HPCAL4: variants seen among roughly 807,000 people sequenced by gnomAD.
HPCAL4 encodes the protein hippocalcin-like protein 4.
In HPCAL4, 16 loss-of-function variants were observed where a neutral mutation model predicts 18.2. The observed-to-expected ratio is 0.88, with a 90% CI of 0.59 to 1.33. The LOEUF (loss-of-function observed/expected upper bound fraction) is 1.33, where lower values mean the gene tolerates loss of function less well. Among genes scored for constraint, HPCAL4 ranks in the 40% most tolerant of loss-of-function variants. HPCAL4 has a pLI of 0.00. For synonymous variants in HPCAL4, 80 were observed against 97.5 expected (o/e 0.82, Z 1.06); for missense variants, 214 against 256.6 (o/e 0.83, Z 1.14).
chr1:39,683,566 CATTT>C (rs1257787067), intron 3 of HPCAL4, among the ~76,000 whole-genome samples: 4 of 152,220 alleles, frequency 2.6e-5, no homozygotes, highest in Admixed American at 1.3e-4. Flanking sequence ...TGTCTTCATT[CATTT>C]ATTTTTTAAA....
intron 3 of HPCAL4, among the ~76,000 whole-genome samples, chr1:39,683,288 T>A (rs964374614): frequency 6.6e-6 from 1 of 152,230 alleles, no homozygotes; most frequent in African/African-American, 2.4e-5. Context: ...GCTCCCCGTA[T>A]GACCACCTTC....
At position 39,679,921 on chromosome 1, in the gene HPCAL4, G is replaced by GCT. The variant is rs1185037142; in HGVS notation, c.*2614_*2615insAG. The GCT allele has an allele frequency of 1.3e-5, 2 of 152,568 alleles. No individual in the cohort carries two copies. Among genetic ancestry groups the GCT allele is most frequent in the Admixed American group, 1.3e-4 (2 of 15,278 alleles). The allele number at this position is 152,568 out of a possible 1,614,324, so 9.5% of individuals were successfully genotyped here. ...TGGAGTAATCAAACACGCCTTCATGGGTAGGCATGTTTCTCTTAGTGAAGA... is the reference window on the plus strand; with the variant it reads ...TGGAGTAATCAAACACGCCTTCATGGCTGTAGGCATGTTTCTCTTAGTGAAGA... On this transcript the variant is annotated 3_prime_UTR_variant, in exon 4 of 4. Transcript: ENST00000372844.
intron 2 of HPCAL4, 35 bp from the exon 3 acceptor site, chr1:39,684,187 A>C (rs766157257): frequency 6.9e-7 from 1 of 1,453,016 alleles, no homozygotes; most frequent in Non-Finnish European, 9.3e-7. Context: ...GCGCAGCGAC[A>C]GCCCCGCCCA....
In HPCAL4 at chr1:39,682,273, C is replaced by G; in HGVS notation, c.*263G>C. 1 of 473,198 alleles carries G rather than the reference C, an allele frequency of 2.1e-6. No individual in the cohort carries two copies. Among genetic ancestry groups the G allele is most frequent in the South Asian group, 2.6e-5 (1 of 39,032 alleles). The allele number at this position is 473,198 out of a possible 1,614,324, so 29.3% of individuals were successfully genotyped here. A position where few individuals can be genotyped will look rare whatever the true frequency, so the allele number is the denominator to read the frequency against. ...CCTCACCTCCTGGGGCAAAAGCCAA[C>G]TCCCCTATGCCCAATGGACATTGGT... On this transcript the variant is annotated 3_prime_UTR_variant, in exon 4 of 4. Coordinates refer to ENST00000372844, the MANE Select transcript of HPCAL4 (RefSeq NM_016257.4).
At chr1:39,682,983 A>C (rs1646640082) in intron 3 of HPCAL4, among the ~76,000 whole-genome samples, 1 of 152,092 alleles carries the variant, frequency 6.6e-6, no homozygotes, top group South Asian at 2.1e-4. Context: ...TCCTGGGTTC[A>C]AGTGATTTTC....
At chr1:39,685,879 CAAAA>C (rs34605605) in intron 1 of HPCAL4, among the ~76,000 whole-genome samples, 9 of 136,720 alleles carry the variant, frequency 6.6e-5, no homozygotes, top group Admixed American at 7.2e-5. Flanking sequence ...GACTCCACCT[CAAAA>C]AAAAAAAAAA....
chr1:39,689,732 G>A (rs771261329), intron 1 of HPCAL4, among the ~76,000 whole-genome samples: 1 of 152,214 alleles, frequency 6.6e-6, no homozygotes, highest in Non-Finnish European at 1.5e-5. Context: ...GGCTTTGAAT[G>A]GAGAGGTGGC....
At chr1:39,684,376 C>G (rs565632511) in intron 2 of HPCAL4, 66 bp downstream of exon 2, 1 of 1,505,664 alleles carries the variant, frequency 6.6e-7, no homozygotes, top group South Asian at 1.3e-5. Context: ...GCCTCCCTCA[C>G]CCCCGGTTCC....
chr1:39,690,875 G>T (rs932665126), intron 1 of HPCAL4, among the ~76,000 whole-genome samples: 2 of 151,906 alleles, frequency 1.3e-5, no homozygotes, highest in African/African-American at 4.8e-5. Flanking sequence ...AGTGGCTAGG[G>T]GCTATCCGTG....
chr1:39,683,903 C>T (rs762478479), intron 3 of HPCAL4, 34 bp downstream of exon 3: 11 of 1,585,532 alleles, frequency 6.9e-6, no homozygotes, highest in African/African-American at 1.3e-5. Context: ...GAAGCGCTGG[C>T]CTCGGGAACA....
intron 1 of HPCAL4, among the ~76,000 whole-genome samples, chr1:39,685,892 AAT>A (rs1646670361): frequency 9.1e-6 from 1 of 109,590 alleles, no homozygotes; most frequent in Non-Finnish European, 2.0e-5. Flanking sequence ...AAAAAAAAAA[AAT>A]ATATTGGCCG....
intron 1 of HPCAL4, among the ~76,000 whole-genome samples, chr1:39,686,273 C>T (rs1557754982): frequency 6.6e-6 from 1 of 151,940 alleles, no homozygotes; most frequent in Non-Finnish European, 1.5e-5. Flanking sequence ...ATCACTTGAG[C>T]CTGGGAGGCA....
chr1:39,687,204 A>T (rs1346231018), intron 1 of HPCAL4, among the ~76,000 whole-genome samples: 1 of 152,222 alleles, frequency 6.6e-6, no homozygotes, highest in Non-Finnish European at 1.5e-5. Context: ...GAGGGGGAGC[A>T]TGCCATCTTC....
chr1:39,682,947 G>A (rs923316079), intron 3 of HPCAL4, among the ~76,000 whole-genome samples: 6 of 152,012 alleles, frequency 3.9e-5, no homozygotes, highest in Admixed American at 2.6e-4. Flanking sequence ...GCAATGGCGC[G>A]ATCTCGGCTT....
intron 1 of HPCAL4, among the ~76,000 whole-genome samples, chr1:39,685,995 C>T (rs931266402): frequency 1.9e-4 from 29 of 151,522 alleles, no homozygotes; most frequent in African/African-American, 5.6e-4. Context: ...TCCTGGCTAA[C>T]ACAGTGAAAC....
At chr1:39,690,423 G>A (rs1224170445) in intron 1 of HPCAL4, among the ~76,000 whole-genome samples, 2 of 152,198 alleles carry the variant, frequency 1.3e-5, no homozygotes, top group Non-Finnish European at 2.9e-5. Context: ...ATGGCACCTT[G>A]GCAAGGTCCC....
chr1:39,682,377 A>G lies in HPCAL4; in HGVS notation c.*159T>C, dbSNP rs1646633698. The G allele has an allele frequency of 3.1e-6, 2 of 641,432 alleles. No individual in the cohort carries two copies. The highest frequency in any genetic ancestry group is 5.4e-6 in the Non-Finnish European group (2 of 368,044). The allele number at this position is 641,432 out of a possible 1,614,324, so 39.7% of individuals were successfully genotyped here. A position where few individuals can be genotyped will look rare whatever the true frequency, so the allele number is the denominator to read the frequency against. On this transcript the variant is annotated 3_prime_UTR_variant, in exon 4 of 4. Transcript: ENST00000372844. ...TTTTGCAGGGTGAGGTGGTCCCTCA[A>G]AGATCTTGATGGAGGGGAGGAAGGG...
chr1:39,684,540 A>G lies in HPCAL4; in HGVS notation c.64T>C (p.Phe22Leu), dbSNP rs145712921. The G allele has an allele frequency of 2.1e-4, 334 of 1,613,156 alleles. 1 individual carries two copies. The highest frequency in any genetic ancestry group is 1.9e-4 in the Non-Finnish European group (222 of 1,179,618). Reference sequence around the variant, plus strand: ...CACTGCTTCAGCTCCTGCTCGCTGAACTCAGTGTTCTGAACAAGGTCCTCC... The same window carrying G: ...CACTGCTTCAGCTCCTGCTCGCTGAGCTCAGTGTTCTGAACAAGGTCCTCC... ...VLEDLVQNTE[F>L]SEQELKQWYK... Residue 22 changes from phenylalanine (F) to leucine (L), a missense_variant, in exon 2 of 4, where the codon TTC becomes CTC. By Grantham distance (22) the Phe-to-Leu change is conservative. Transcript: ENST00000372844.
Position 39,680,500 on chromosome 1 carries a change from T to C in HPCAL4, c.*2036A>G, listed in dbSNP as rs1413709678. 2 of 152,158 alleles carry C rather than the reference T, an allele frequency of 1.3e-5. No homozygotes were observed. Among genetic ancestry groups the C allele is most frequent in the African/African-American group, 4.8e-5 (2 of 41,422 alleles). The allele number at this position is 152,158 out of a possible 1,614,324, so 9.4% of individuals were successfully genotyped here. The stretch of plus-strand genomic sequence containing the variant: ...GTGAAAAGCTTTTCACCAGAAGATT[T>C]AGGTCCCAGCTAAGCCAGGCTGGTG... On this transcript the variant is annotated 3_prime_UTR_variant, in exon 4 of 4. Transcript: ENST00000372844.
Sources: gnomAD v4.1 joint callset for allele counts (sites outside exome capture counted in the v4.1 genomes callset) on GRCh38, gnomAD v4.1.1 for gene constraint, MANE v1.5 for transcripts, NCBI Gene and HGNC (gene_info 2026-07-23, HGNC 2026-07-21) for gene names.